Variants in FGF14 observed in about 807,000 individuals in gnomAD.
The protein encoded by FGF14 is fibroblast growth factor homologous factor 4.
FGF14 carries 5 observed loss-of-function variants against 25.5 expected under a neutral mutation model. That is an observed-to-expected ratio of 0.20 (90% CI 0.10 to 0.41). FGF14 has a LOEUF of 0.41. Ranked by LOEUF, FGF14 falls within the 10% of genes least tolerant of loss-of-function variation. The probability of loss-of-function intolerance (pLI) is 1.00; values close to 1 mark genes in which losing one functional copy is unlikely to be tolerated. For missense variants in FGF14, 222 were observed against 320.1 expected (o/e 0.69, Z 2.34); for synonymous variants, 138 against 118.3 (o/e 1.17, Z -1.08).
At position 102,140,237 on chromosome 13, in the gene FGF14, T is replaced by C. The variant is rs607172; in HGVS notation, c.208+261234A>G. 4.7e-3 allele frequency among the ~76,000 whole-genome samples: 717 copies of C among 152,276 alleles called. 7 individuals carry two copies. The highest frequency in any genetic ancestry group is 0.017 in the African/African-American group (686 of 41,562). On this transcript the variant is annotated intron_variant, in intron 1 of 4. Transcript: ENST00000376131. The stretch of plus-strand genomic sequence containing the variant: ...CAAAAAAGTTGTAAAAGTTAAAACT[T>C]GTACTAGACATAAATAAAATGACTA...
chr13:102,378,137 T>C (rs181492686), intron 1 of FGF14, among the ~76,000 whole-genome samples: 13 of 152,296 alleles, frequency 8.5e-5, no homozygotes, highest in Admixed American at 2.6e-4. Context: ...GAATACATTA[T>C]ATATTTGTCT....
intron 1 of FGF14, among the ~76,000 whole-genome samples, chr13:102,352,947 A>G (rs767191095): frequency 6.6e-6 from 1 of 151,876 alleles, no homozygotes; most frequent in Non-Finnish European, 1.5e-5. Context: ...TCCCCTTCCC[A>G]TTGCGCACCT....
At chr13:101,777,105 T>C (rs1425078441) in intron 3 of FGF14, among the ~76,000 whole-genome samples, 2 of 152,246 alleles carry the variant, frequency 1.3e-5, no homozygotes, top group Non-Finnish European at 2.9e-5. Context: ...TACTATCATC[T>C]GACTGCTTTA....
rs74121043 is a variant in FGF14, at chr13:101,822,512, G to A, written c.408+46213C>T. 5.7e-3 allele frequency among the ~76,000 whole-genome samples: 855 copies of A among 148,958 alleles called. 2 individuals are homozygous for A. The highest frequency in any genetic ancestry group is 0.043 in the Middle Eastern group (12 of 278). On this transcript the variant is annotated intron_variant, in intron 3 of 4. Coordinates refer to ENST00000376143, the MANE Select transcript of FGF14 (RefSeq NM_004115.4). ...TTTCTACCAAAAAAAAAAAAAACCTGCTGGGATTCTGACATGGATCCTAAT... is the reference window on the plus strand; with the variant it reads ...TTTCTACCAAAAAAAAAAAAAACCTACTGGGATTCTGACATGGATCCTAAT...
At chr13:102,139,620 A>G (rs2046554875) in intron 1 of FGF14, among the ~76,000 whole-genome samples, 1 of 152,114 alleles carries the variant, frequency 6.6e-6, no homozygotes, top group South Asian at 2.1e-4. Context: ...TGGAAGAGAT[A>G]ATGCTAGTTA....
chr13:102,297,640 C>A (rs2054791318), intron 1 of FGF14, among the ~76,000 whole-genome samples: 1 of 151,528 alleles, frequency 6.6e-6, no homozygotes, highest in African/African-American at 2.4e-5. Flanking sequence ...AATCCCAGCA[C>A]TTTGGGAGGC....
At chr13:102,159,582 C>T (rs112012881) in intron 1 of FGF14, among the ~76,000 whole-genome samples, 1 of 152,196 alleles carries the variant, frequency 6.6e-6, no homozygotes, top group African/African-American at 2.4e-5. Context: ...CAGAGCTCAT[C>T]GTGCACTCTT....
chr13:101,952,007 C>T (rs1490098945), intron 1 of FGF14, among the ~76,000 whole-genome samples: 3 of 152,112 alleles, frequency 2.0e-5, no homozygotes, highest in Admixed American at 2.0e-4. Flanking sequence ...GTGTTTAATA[C>T]TTTGTGCTTT....
chr13:101,975,249 G>A (rs7324177), intron 1 of FGF14, among the ~76,000 whole-genome samples: 2,671 of 152,106 alleles, frequency 0.018, 86 homozygotes, highest in African/African-American at 0.061. Context: ...CTTGTGCTGT[G>A]ACCCCACAGG....
At chr13:101,867,918 ACACACACACACACACACG>A (rs1166413110) in intron 3 of FGF14, among the ~76,000 whole-genome samples, 19 of 150,256 alleles carry the variant, frequency 1.3e-4, no homozygotes, top group African/African-American at 4.2e-4. Context: ...ACACACACAC[ACACACACACACACACACG>A]CGCACACACA....
intron 1 of FGF14, among the ~76,000 whole-genome samples, chr13:102,312,021 G>A (rs1471789370): frequency 6.6e-6 from 1 of 152,124 alleles, no homozygotes; most frequent in African/African-American, 2.4e-5. Context: ...GGAACCAAGT[G>A]ACCTGAGTTT....
At chr13:102,009,663 C>G (rs908492582) in intron 1 of FGF14, among the ~76,000 whole-genome samples, 1 of 151,796 alleles carries the variant, frequency 6.6e-6, no homozygotes, top group South Asian at 2.1e-4. Context: ...AATTACTAGT[C>G]ATTATCTTTG....
intron 1 of FGF14, among the ~76,000 whole-genome samples, chr13:102,176,699 A>C (rs974174732): frequency 6.6e-6 from 1 of 152,180 alleles, no homozygotes; most frequent in Non-Finnish European, 1.5e-5. Context: ...GATAGATATC[A>C]TGCTAAGTGT....
chr13:101,979,050 TAAAG>T (rs1390686680), intron 1 of FGF14, among the ~76,000 whole-genome samples: 5 of 152,044 alleles, frequency 3.3e-5, no homozygotes, highest in African/African-American at 1.2e-4. Context: ...AAGCAGGGAA[TAAAG>T]AGAGTGCAAG....
At chr13:102,182,401 C>A (rs558589300) in intron 1 of FGF14, among the ~76,000 whole-genome samples, 47 of 152,230 alleles carry the variant, frequency 3.1e-4, no homozygotes, top group African/African-American at 1.1e-3. Flanking sequence ...GGACTTTTGA[C>A]CTCTGGAACT....
At chr13:101,752,328 G>A (rs1337751167) in intron 3 of FGF14, among the ~76,000 whole-genome samples, 1 of 152,094 alleles carries the variant, frequency 6.6e-6, no homozygotes, top group African/African-American at 2.4e-5. Context: ...ATGCACTGTT[G>A]ACCAGAGAAG....
chr13:101,896,816 C>T (rs1238585474), intron 1 of FGF14, among the ~76,000 whole-genome samples: 3 of 152,104 alleles, frequency 2.0e-5, no homozygotes, highest in African/African-American at 7.2e-5. Context: ...TCTCATCAGG[C>T]TCTGACAATG....
rs532514334 is a variant in FGF14, at chr13:102,261,409, C to T, written c.208+140062G>A. Among the ~76,000 whole-genome samples, 15 of 152,250 alleles carry T rather than the reference C, an allele frequency of 9.9e-5. No homozygotes were observed. In the South Asian group the frequency reaches 3.1e-3, roughly 32 times the overall value. On this transcript the variant is annotated intron_variant, in intron 1 of 4. Transcript: ENST00000376131. ...AAAAAAATGAAAGTAAATGAAAAACCAATGTGAATGTAGCATCTTTAAAGA... is the reference window on the plus strand; with the variant it reads ...AAAAAAATGAAAGTAAATGAAAAACTAATGTGAATGTAGCATCTTTAAAGA...
At chr13:102,030,291 C>G (rs2041146576) in intron 1 of FGF14, among the ~76,000 whole-genome samples, 1 of 151,992 alleles carries the variant, frequency 6.6e-6, no homozygotes, top group Admixed American at 6.6e-5. Flanking sequence ...TCAGTCTGCC[C>G]CAGGTTCCAG....
Sources: gnomAD v4.1 joint callset for allele counts (sites outside exome capture counted in the v4.1 genomes callset) on GRCh38, gnomAD v4.1.1 for gene constraint, MANE v1.5 for transcripts, NCBI Gene and HGNC (gene_info 2026-07-23, HGNC 2026-07-21) for gene names.